The following WNT5A variants were observed in gnomAD, a reference collection of about 807,000 sequenced individuals.
The protein encoded by WNT5A is protein Wnt-5a.
A neutral mutation model predicts 42.1 loss-of-function variants in WNT5A; 9 were observed. The ratio of observed to expected loss-of-function variants is 0.21; its 90% CI spans 0.13 to 0.37. The LOEUF (loss-of-function observed/expected upper bound fraction) is 0.37, where lower values mean the gene tolerates loss of function less well. Ranked by LOEUF, WNT5A falls within the 10% of genes least tolerant of loss-of-function variation. The pLI, the probability that WNT5A is intolerant of heterozygous loss-of-function variation, is 1.00. For synonymous variants in WNT5A, 210 were observed against 210.0 expected (o/e 1.00, Z 0.00); for missense variants, 426 against 534.0 (o/e 0.80, Z 1.99).
chr3:55,497,380 G>A, the WNT5A span: 1 of 152,246 alleles, frequency 6.6e-6, no homozygotes, highest in East Asian at 1.9e-4. Flanking sequence ...AAGCAAGTGA[G>A]TCACTCACCA....
intron 3 of WNT5A, among the ~76,000 whole-genome samples, chr3:55,478,715 T>C (rs565406458): frequency 5.9e-5 from 9 of 152,206 alleles, no homozygotes; most frequent in Admixed American, 2.0e-4. Context: ...ATCCCAAGCA[T>C]GTGCTTTTAT....
At chr3:55,496,777 A>G in the WNT5A span, among the ~76,000 whole-genome samples, 4 of 152,252 alleles carry the variant, frequency 2.6e-5, no homozygotes, top group Non-Finnish European at 4.4e-5. Context: ...TCCAGAGGAT[A>G]TCAACATCTA....
At chr3:55,475,623 C>G (rs1471846811) in intron 3 of WNT5A, among the ~76,000 whole-genome samples, 1 of 152,122 alleles carries the variant, frequency 6.6e-6, no homozygotes, top group Non-Finnish European at 1.5e-5. Flanking sequence ...TCTGCAGACA[C>G]CCCCTGCCCA....
rs1055268941 is a variant in WNT5A, at chr3:55,469,109, G to C, written c.*983C>G. 3 of 152,202 alleles carry C rather than the reference G, an allele frequency of 2.0e-5. No homozygotes were observed. The highest frequency in any genetic ancestry group is 7.2e-5 in the African/African-American group (3 of 41,454). The allele number at this position is 152,202 out of a possible 1,614,324, so 9.4% of individuals were successfully genotyped here. ...TTCACTGTTTTTCCTCAAATAGGTT[G>C]TCTGCTCTGGTGCAGTGCTGAATGG... is the stretch of plus-strand genomic sequence containing the variant. On this transcript the variant is annotated 3_prime_UTR_variant, in exon 5 of 5. Coordinates refer to ENST00000264634, the MANE Select transcript of WNT5A (RefSeq NM_003392.7).
chr3:55,473,566 G>C (rs190174901), intron 4 of WNT5A, among the ~76,000 whole-genome samples: 1 of 152,338 alleles, frequency 6.6e-6, no homozygotes, highest in East Asian at 1.9e-4. Context: ...TGCAAAGATG[G>C]TCCTCCCTGG....
chr3:55,478,257 C>T (rs1382543452), intron 3 of WNT5A, among the ~76,000 whole-genome samples: 2 of 152,148 alleles, frequency 1.3e-5, no homozygotes, highest in African/African-American at 2.4e-5. Flanking sequence ...TTGGCTCAAA[C>T]ATCCCCTGAC....
At chr3:55,494,984 T>C (rs1032916031), upstream of WNT5A, among the ~76,000 whole-genome samples, 4 of 152,240 alleles carry the variant, frequency 2.6e-5, no homozygotes, top group Non-Finnish European at 5.9e-5. Context: ...AGAATAAAAG[T>C]GCATCCTCAA....
chr3:55,474,641 GA>G lies in WNT5A; in HGVS notation c.392-13del. On this transcript the variant is annotated splice_polypyrimidine_tract_variant and intron_variant, in intron 3 of 4. Transcript: ENST00000264634. ...CGTCTCGCGGCTGCCTGTGGGTGAGGACAAGGGATCACTGGCCGCCTGCCTC... is the reference window on the plus strand; with the variant it reads ...CGTCTCGCGGCTGCCTGTGGGTGAGGCAAGGGATCACTGGCCGCCTGCCTC... The G allele has an allele frequency of 7.4e-7, 1 of 1,345,802 alleles. No individual in the cohort carries two copies. Among genetic ancestry groups the G allele is most frequent in the South Asian group, 1.6e-5 (1 of 62,234 alleles). 83.4% of individuals were successfully genotyped at this position (1,345,802 alleles called of 1,614,324 possible). A position where few individuals can be genotyped will look rare whatever the true frequency, so the allele number is the denominator to read the frequency against.
chr3:55,483,740 A>T lies in WNT5A; in HGVS notation c.7-2822T>A, dbSNP rs1237098663. The stretch of plus-strand genomic sequence containing the variant: ...CTCCTCTTCAATCCAGAGCAGCTCA[A>T]CGACGTGGCTCCCTTTCTATGTATC... On this transcript the variant is annotated intron_variant, in intron 1 of 4. Transcript: ENST00000264634. The surrounding 1 kb of genome is among the most constrained non-coding windows in gnomAD (Gnocchi z 4.2). Among the ~76,000 whole-genome samples the T allele has an allele frequency of 6.6e-6, 1 of 152,150 alleles. No individual in the cohort carries two copies. Among genetic ancestry groups the T allele is most frequent in the Non-Finnish European group, 1.5e-5 (1 of 68,020 alleles).
At chr3:55,500,010 ATT>A in the WNT5A span, among the ~76,000 whole-genome samples, 3 of 151,248 alleles carry the variant, frequency 2.0e-5, no homozygotes, top group African/African-American at 4.9e-5. Flanking sequence ...ATTAAATTAA[ATT>A]AACTAGATTT....
At chr3:55,489,568 C>A (rs552167415), upstream of WNT5A, among the ~76,000 whole-genome samples, 7 of 152,142 alleles carry the variant, frequency 4.6e-5, no homozygotes, top group Non-Finnish European at 8.8e-5. Context: ...CTTCCTGGCG[C>A]GCAAAGATGG....
chr3:55,486,935 T>A, intron 1 of WNT5A, 45 bp downstream of exon 1: 1 of 1,330,758 alleles, frequency 7.5e-7, no homozygotes, highest in Non-Finnish European at 1.0e-6. Flanking sequence ...CAACAGGGGG[T>A]GGGGGGAAGT....
chr3:55,488,764 A>G (rs1258314697), upstream of WNT5A, among the ~76,000 whole-genome samples: 1 of 151,982 alleles, frequency 6.6e-6, no homozygotes. Flanking sequence ...CTGAACCCCA[A>G]CTTCCCCGCC....
chr3:55,502,183 G>T, the WNT5A span, among the ~76,000 whole-genome samples: 1 of 152,098 alleles, frequency 6.6e-6, no homozygotes, highest in Admixed American at 6.5e-5. Flanking sequence ...CAGGAGATTT[G>T]GGACTGGTCA....
At chr3:55,474,247 G>A (rs928614422) in intron 4 of WNT5A, 90 bp downstream of exon 4, 2 of 1,529,400 alleles carry the variant, frequency 1.3e-6, no homozygotes, top group African/African-American at 1.4e-5. Context: ...TGGCAGAGGA[G>A]AGGACGGAGC....
the WNT5A span, among the ~76,000 whole-genome samples, chr3:55,496,629 C>T: frequency 6.6e-6 from 1 of 152,238 alleles, no homozygotes; most frequent in African/African-American, 2.4e-5. Context: ...CCCCCTGTGG[C>T]CCTCAGTCCT....
intron 1 of WNT5A, among the ~76,000 whole-genome samples, chr3:55,482,597 C>T (rs998824877): frequency 6.6e-6 from 1 of 152,140 alleles, no homozygotes; most frequent in Non-Finnish European, 1.5e-5. Context: ...CTGGACGCTT[C>T]GGGGCTTCTC....
At position 55,474,392 on chromosome 3, in the gene WNT5A, G is replaced by A; in HGVS notation, c.629C>T (p.Ser210Phe). The change falls in exon 4 of 5, where the codon TCC becomes TTC. Residue 210 changes from serine to phenylalanine, a missense_variant. Coordinates refer to ENST00000264634, the MANE Select transcript of WNT5A (RefSeq NM_003392.7). ...RERERIHAKG[S>F]YESARILMNL... ...CATGAGGATGCGAGCACTCTCGTAG[G>A]AGCCCTTGGCGTGGATGCGCTCCCG... 4 of 1,612,832 alleles carry A rather than the reference G, an allele frequency of 2.5e-6. No homozygotes were observed. The highest frequency in any genetic ancestry group is 2.7e-5 in the African/African-American group (2 of 75,006).
Position 55,474,435 on chromosome 3 carries a change from A to C in WNT5A, c.586T>G (p.Phe196Val). 1 of 1,609,806 alleles carries C rather than the reference A, an allele frequency of 6.2e-7. No homozygotes were observed. Among genetic ancestry groups the C allele is most frequent in the Non-Finnish European group, 8.5e-7 (1 of 1,179,032 alleles). Residue 196 changes from phenylalanine (F) to valine (V), a missense_variant, in exon 4 of 5, where the codon TTC becomes GTC. By Grantham distance (50) the Phe-to-Val change is conservative. Coordinates refer to ENST00000264634, the MANE Select transcript of WNT5A (RefSeq NM_003392.7). The part of the protein sequence containing the change: ...IDYGYRFAKE[F>V]VDARERERIH... ...CGCTCCCGCTCGCGGGCGTCCACGAACTCCTTGGCAAAGCGGTAGCCATAG... is the reference window on the plus strand; with the variant it reads ...CGCTCCCGCTCGCGGGCGTCCACGACCTCCTTGGCAAAGCGGTAGCCATAG...
Sources: allele counts gnomAD v4.1 joint callset (sites outside exome capture counted in the v4.1 genomes callset), GRCh38; gene constraint gnomAD v4.1.1; non-coding constraint Gnocchi (gnomAD v3.1); transcripts MANE v1.5; gene names NCBI Gene and HGNC (gene_info 2026-07-23, HGNC 2026-07-21).